ITGA1: variants seen among roughly 807,000 people sequenced by gnomAD.
ITGA1 encodes integrin alpha-1.
Under a neutral mutation model 145.9 loss-of-function variants are expected in ITGA1, and 85 were observed. The ratio of observed to expected loss-of-function variants is 0.58; its 90% CI spans 0.49 to 0.70. The LOEUF (loss-of-function observed/expected upper bound fraction) is 0.70, where lower values mean the gene tolerates loss of function less well. ITGA1 is among the 30% of genes least tolerant of loss of function. The pLI is 0.00. For synonymous variants in ITGA1, 520 were observed against 495.3 expected (o/e 1.05, Z -0.66); for missense variants, 1,351 against 1,418.7 (o/e 0.95, Z 0.77).
chr5:52,838,682 G>A (rs1163740441), intron 1 of ITGA1, among the ~76,000 whole-genome samples: 1 of 152,062 alleles, frequency 6.6e-6, no homozygotes, highest in Non-Finnish European at 1.5e-5. Context: ...TTTATGTTTT[G>A]ATTATGTCTT....
At chr5:52,924,134 C>T (rs981122428) in intron 18 of ITGA1, among the ~76,000 whole-genome samples, 3 of 152,200 alleles carry the variant, frequency 2.0e-5, no homozygotes, top group Non-Finnish European at 4.4e-5. Flanking sequence ...TTTCCCCATA[C>T]ACCTATCTTC....
intron 2 of ITGA1, among the ~76,000 whole-genome samples, chr5:52,857,772 A>G (rs1005807115): frequency 1.4e-4 from 22 of 152,126 alleles, no homozygotes; most frequent in Non-Finnish European, 4.4e-5. Context: ...TAGGGCCTCA[A>G]CCATGCTCAT....
intron 1 of ITGA1, chr5:52,799,982 C>T (rs201042170): frequency 4.2e-6 from 1 of 236,678 alleles, no homozygotes; most frequent in Non-Finnish European, 8.5e-6. Context: ...TTCATTCGTC[C>T]GGAGCGCCTC....
chr5:52,795,353 G>C (rs908537208), intron 1 of ITGA1, among the ~76,000 whole-genome samples: 14 of 151,812 alleles, frequency 9.2e-5, no homozygotes, highest in African/African-American at 3.1e-4. Flanking sequence ...AGGAAAGTAA[G>C]CCTTCCAAAA....
At chr5:52,915,341 T>C in intron 14 of ITGA1, 123 bp from the exon 15 acceptor site, 1 of 1,023,946 alleles carries the variant, frequency 9.8e-7, no homozygotes, top group South Asian at 1.6e-5. Context: ...AGGGACCTCT[T>C]GGGCGGATTC....
Position 52,958,061 on chromosome 5 carries a change from C to A in ITGA1, c.*5610C>A, listed in dbSNP as rs530589709. 6.6e-6 allele frequency: 1 copy of A among 152,224 alleles called. No homozygotes were observed. Among genetic ancestry groups the A allele is most frequent in the African/African-American group, 2.4e-5 (1 of 41,544 alleles). The allele number at this position is 152,224 out of a possible 1,614,324, so 9.4% of individuals were successfully genotyped here. A position where few individuals can be genotyped will look rare whatever the true frequency, so the allele number is the denominator to read the frequency against. On this transcript the variant is annotated 3_prime_UTR_variant, in exon 29 of 29. Coordinates refer to ENST00000282588, the MANE Select transcript of ITGA1 (RefSeq NM_181501.2). ...CTCTCTATTGCATTACTTATCCTCA[C>A]CCTTGTTTTTTAAGAGGTAGAGAGA...
intron 21 of ITGA1, chr5:52,931,820 A>G (rs1293763519): frequency 8.0e-6 from 3 of 372,906 alleles, no homozygotes; most frequent in Non-Finnish European, 1.4e-5. Context: ...AACATAAATC[A>G]GTGTGATTGT....
intron 12 of ITGA1, among the ~76,000 whole-genome samples, chr5:52,907,951 G>A (rs1296488448): frequency 1.3e-5 from 2 of 152,226 alleles, no homozygotes; most frequent in South Asian, 2.1e-4. Flanking sequence ...ATGCCTAGAA[G>A]CAATGTCTAG....
chr5:52,832,506 A>T (rs146598384), intron 1 of ITGA1, among the ~76,000 whole-genome samples: 66 of 152,322 alleles, frequency 4.3e-4, no homozygotes, highest in Non-Finnish European at 3.4e-4. Flanking sequence ...TCTACCCATA[A>T]GATTCTATGA....
At chr5:52,828,995 G>A (rs908213943) in intron 1 of ITGA1, among the ~76,000 whole-genome samples, 1 of 151,964 alleles carries the variant, frequency 6.6e-6, no homozygotes, top group Admixed American at 6.6e-5. Context: ...TCTCTTATAA[G>A]ATTACCAGTC....
intron 1 of ITGA1, chr5:52,800,469 C>T: frequency 5.0e-6 from 8 of 1,614,076 alleles, no homozygotes; most frequent in Non-Finnish European, 6.8e-6. Context: ...AGCCTGAGGA[C>T]ATGTGGCACA....
chr5:52,938,882 T>C (rs192780355), intron 24 of ITGA1, among the ~76,000 whole-genome samples: 175 of 151,846 alleles, frequency 1.2e-3, no homozygotes, highest in Non-Finnish European at 1.8e-3. Context: ...AGCCATAATA[T>C]TGAACAAGTA....
At chr5:52,911,028 GTATACTGTATATACTATATATACTATA>G (rs1450754657) in intron 14 of ITGA1, among the ~76,000 whole-genome samples, 1 of 6,228 alleles carries the variant, frequency 1.6e-4, no homozygotes, top group African/African-American at 1.9e-3. Flanking sequence ...TATATAGTAT[GTATACTGTATATACTATATATACTATA>G]CATAGTGTAT....
intron 1 of ITGA1, among the ~76,000 whole-genome samples, chr5:52,834,585 G>GAGAGAAGAAAGAAAGA (rs1554042413): frequency 3.5e-5 from 5 of 141,450 alleles, no homozygotes; most frequent in Admixed American, 6.8e-5. Flanking sequence ...AAGAAAGAAA[G>GAGAGAAGAAAGAAAGA]AGAGAGAGAG....
At chr5:52,869,652 A>C (rs906200062) in intron 6 of ITGA1, among the ~76,000 whole-genome samples, 1 of 152,248 alleles carries the variant, frequency 6.6e-6, no homozygotes, top group Non-Finnish European at 1.5e-5. Context: ...ACTGTGGCAC[A>C]GTAAGTCCTC....
intron 16 of ITGA1, 124 bp downstream of exon 16, chr5:52,919,022 G>A: frequency 1.2e-6 from 1 of 820,206 alleles, no homozygotes; most frequent in South Asian, 2.4e-5. Context: ...ATTTGCCCCA[G>A]TGAAGATGCA....
chr5:52,951,299 A>G, intron 28 of ITGA1, among the ~76,000 whole-genome samples: 1 of 152,208 alleles, frequency 6.6e-6, no homozygotes, highest in East Asian at 1.9e-4. Flanking sequence ...AAAAATATAT[A>G]CAAATTTGAA....
Position 52,826,037 on chromosome 5 carries a change from C to T in ITGA1, c.62-23328C>T, listed in dbSNP as rs372273668. Reference sequence around the variant, plus strand: ...TTAAATGAAAAGCTAGAAATGACTGCGCTTAGTGAGGAAAGCATATTGAAA... The same window carrying T: ...TTAAATGAAAAGCTAGAAATGACTGTGCTTAGTGAGGAAAGCATATTGAAA... On this transcript the variant is annotated intron_variant, in intron 1 of 28. Transcript: ENST00000282588. Among the ~76,000 whole-genome samples the T allele has an allele frequency of 1.3e-3, 194 of 152,180 alleles. 3 individuals are homozygous for T. Among genetic ancestry groups the T allele is most frequent in the African/African-American group, 4.6e-3 (189 of 41,524 alleles).
At chr5:52,885,805 G>T (rs1250766436) in intron 7 of ITGA1, among the ~76,000 whole-genome samples, 1 of 152,186 alleles carries the variant, frequency 6.6e-6, no homozygotes, top group Non-Finnish European at 1.5e-5. Context: ...GAGGTTACTT[G>T]CCAGGTTCTG....
Sources: allele counts gnomAD v4.1 joint callset (sites outside exome capture counted in the v4.1 genomes callset), GRCh38; gene constraint gnomAD v4.1.1; transcripts MANE v1.5; gene names NCBI Gene and HGNC (gene_info 2026-07-23, HGNC 2026-07-21).